The following RCC2 variants were observed in gnomAD, a reference collection of about 807,000 sequenced individuals.
The protein encoded by RCC2 is regulator of chromosome condensation 2.
In RCC2, 19 loss-of-function variants were observed where a neutral mutation model predicts 64.1. The observed-to-expected ratio is 0.30, with a 90% CI of 0.21 to 0.44. RCC2 has a LOEUF of 0.44. RCC2 is among the 20% of genes least tolerant of loss of function. RCC2 has a pLI of 1.00. For synonymous variants in RCC2, 325 were observed against 279.6 expected (o/e 1.16, Z -1.62); for missense variants, 508 against 710.4 (o/e 0.72, Z 3.24).
At chr1:17,423,714 A>C (rs2075582005) in intron 4 of RCC2, among the ~76,000 whole-genome samples, 2 of 152,278 alleles carry the variant, frequency 1.3e-5, no homozygotes, top group African/African-American at 4.8e-5. Flanking sequence ...ATAAGAGAAA[A>C]ACCACACATG....
At chr1:17,433,339 T>C (rs946496000) in intron 2 of RCC2, among the ~76,000 whole-genome samples, 19 of 152,218 alleles carry the variant, frequency 1.2e-4, no homozygotes, top group African/African-American at 4.3e-4. Context: ...CCCTTCTCAC[T>C]TAAGGGGTGC....
intron 2 of RCC2, among the ~76,000 whole-genome samples, chr1:17,437,920 G>A (rs1240284329): frequency 2.8e-5 from 4 of 145,182 alleles, no homozygotes; most frequent in African/African-American, 9.9e-5. Context: ...GGAGCTGTGG[G>A]GGCGGGGCCA....
chr1:17,413,625 G>A lies in RCC2; in HGVS notation c.1119C>T (p.Pro373=). The change falls in exon 9 of 13, where the codon CCC becomes CCT. Residue 373 remains proline, a synonymous_variant. Coordinates refer to ENST00000375436, the MANE Select transcript of RCC2 (RefSeq NM_018715.4). ...GGAAGTCAAACAGCTTCACCAGGCG[G>A]GGGACCATCTCATCCTTCTGCTCTG... is the stretch of plus-strand genomic sequence containing the variant. ...GHAEQKDEMV[P]RLVKLFDFPG... is the part of the protein sequence containing the mutation. The A allele has an allele frequency of 6.2e-7, 1 of 1,614,156 alleles. No individual in the cohort carries two copies. The highest frequency in any genetic ancestry group is 8.5e-7 in the Non-Finnish European group (1 of 1,180,010).
intron 2 of RCC2, 22 bp downstream of exon 2, chr1:17,438,208 G>C: frequency 8.1e-7 from 1 of 1,237,498 alleles, no homozygotes; most frequent in Non-Finnish European, 1.0e-6. Flanking sequence ...GCGCCCACCC[G>C]TCTACCCTGA....
At chr1:17,427,886 G>T (rs547682145) in intron 3 of RCC2, among the ~76,000 whole-genome samples, 1 of 152,148 alleles carries the variant, frequency 6.6e-6, no homozygotes, top group Non-Finnish European at 1.5e-5. Flanking sequence ...CAGGCTCTGC[G>T]GTCAGACTGA....
intron 12 of RCC2, among the ~76,000 whole-genome samples, chr1:17,409,536 CCT>C (rs796865935): frequency 2.0e-5 from 3 of 152,210 alleles, no homozygotes; most frequent in African/African-American, 4.8e-5. Context: ...GTGCACCACC[CCT>C]CTCTGTGTCT....
chr1:17,410,844 C>CAAAATT (rs2075417316), intron 11 of RCC2, among the ~76,000 whole-genome samples: 1 of 152,180 alleles, frequency 6.6e-6, no homozygotes, highest in Non-Finnish European at 1.5e-5. Flanking sequence ...TTGCTCCCCT[C>CAAAATT]TAGTTTCAAA....
chr1:17,423,802 C>T (rs1167482678), intron 4 of RCC2, among the ~76,000 whole-genome samples: 1 of 152,230 alleles, frequency 6.6e-6, no homozygotes, highest in African/African-American at 2.4e-5. Flanking sequence ...TTGCAACCTT[C>T]TCCAGCAATG....
At chr1:17,413,952 GAAACCCTGTCTCCAAA>G (rs2075453894) in intron 8 of RCC2, among the ~76,000 whole-genome samples, 1 of 152,166 alleles carries the variant, frequency 6.6e-6, no homozygotes, top group African/African-American at 2.4e-5. Context: ...CCAACATGGT[GAAACCCTGTCTCCAAA>G]AACCAAAGAA....
intron 2 of RCC2, among the ~76,000 whole-genome samples, chr1:17,435,815 G>A (rs1178653067): frequency 2.0e-5 from 3 of 151,990 alleles, no homozygotes; most frequent in Non-Finnish European, 2.9e-5. Flanking sequence ...CTACTCGGGA[G>A]GCTGAGGCAG....
At chr1:17,412,469 T>C (rs965668723) in intron 10 of RCC2, among the ~76,000 whole-genome samples, 2 of 152,166 alleles carry the variant, frequency 1.3e-5, no homozygotes, top group Non-Finnish European at 2.9e-5. Context: ...TCTCTCTCAG[T>C]GGGAGGTCGC....
Position 17,433,449 on chromosome 1 carries a change from T to C in RCC2, c.286-4250A>G, listed in dbSNP as rs116597745. On this transcript the variant is annotated intron_variant, in intron 2 of 12. Coordinates refer to ENST00000375436, the MANE Select transcript of RCC2 (RefSeq NM_018715.4). ...GGGGCAGGGCGGGGGTGCCAGTGGG[T>C]GTGTGGGTGTCTGAAGCTCAGTGTG... Among the ~76,000 whole-genome samples, 1,477 of 152,148 alleles carry C rather than the reference T, an allele frequency of 9.7e-3. 26 individuals are homozygous for C. Among genetic ancestry groups the C allele is most frequent in the African/African-American group, 0.034 (1,414 of 41,520 alleles).
intron 9 of RCC2, 32 bp from the exon 10 acceptor site, chr1:17,413,210 AC>A: frequency 1.4e-6 from 2 of 1,471,068 alleles, no homozygotes; most frequent in African/African-American, 1.4e-5. Flanking sequence ...TCCCAGCGTG[AC>A]CAGACATCGA....
At chr1:17,431,499 C>CAAAAAAAAAAAAAAAAAAAAAA (rs558362245) in intron 2 of RCC2, among the ~76,000 whole-genome samples, 11 of 57,896 alleles carry the variant, frequency 1.9e-4, no homozygotes, top group African/African-American at 2.2e-4. Context: ...AGCCCTGTCT[C>CAAAAAAAAAAAAAAAAAAAAAA]AAAAAAAAAA....
chr1:17,409,274 T>C, intron 12 of RCC2, 80 bp from the exon 13 acceptor site: 1 of 932,462 alleles, frequency 1.1e-6, no homozygotes, highest in Non-Finnish European at 1.8e-6. Context: ...GAAACTGGGC[T>C]GCTAAAGCGG....
chr1:17,411,990 T>A (rs1201133475), intron 11 of RCC2, 132 bp downstream of exon 11: 1 of 786,462 alleles, frequency 1.3e-6, no homozygotes, highest in East Asian at 2.6e-5. Context: ...GTTGCAAACC[T>A]TAATACAATA....
rs557384710 is a variant in RCC2, at chr1:17,408,459, G to C, written c.*631C>G. 252 of 152,626 alleles carry C rather than the reference G, an allele frequency of 1.7e-3. No individual in the cohort carries two copies. The highest frequency in any genetic ancestry group is 5.7e-3 in the African/African-American group (237 of 41,568). 9.5% of individuals were successfully genotyped at this position (152,626 alleles called of 1,614,324 possible). ...ACACAGATCCCCAATCCCCCACCAG[G>C]GGGGACACGGCCGATTCTATAATGT... On this transcript the variant is annotated 3_prime_UTR_variant, in exon 13 of 13. Coordinates refer to ENST00000375436, the MANE Select transcript of RCC2 (RefSeq NM_018715.4).
At chr1:17,420,642 G>GC in intron 7 of RCC2, 72 bp downstream of exon 7, 6 of 946,768 alleles carry the variant, frequency 6.3e-6, no homozygotes, top group Non-Finnish European at 9.7e-6. Flanking sequence ...CGTGTGTGCA[G>GC]CCCCACACTG....
intron 9 of RCC2, 147 bp downstream of exon 9, chr1:17,413,390 G>T: frequency 2.1e-6 from 2 of 970,860 alleles, no homozygotes. Flanking sequence ...TTCGACACCG[G>T]CCTGGACAAC....
Sources: gnomAD v4.1 joint callset for allele counts (sites outside exome capture counted in the v4.1 genomes callset) on GRCh38, gnomAD v4.1.1 for gene constraint, MANE v1.5 for transcripts, NCBI Gene and HGNC (gene_info 2026-07-23, HGNC 2026-07-21) for gene names.